The following C9 variants were observed in gnomAD, a reference collection of about 807,000 sequenced individuals.
The protein encoded by C9 is complement C9.
In C9, 63 loss-of-function variants were observed where a neutral mutation model predicts 65.4. The observed-to-expected ratio is 0.96, with a 90% CI of 0.79 to 1.19. The LOEUF (loss-of-function observed/expected upper bound fraction) is 1.19. Among genes scored for constraint, C9 ranks in the 50% most tolerant of loss-of-function variants. C9 has a pLI of 0.00. For synonymous variants in C9, 229 were observed against 227.9 expected (o/e 1.00, Z -0.04); for missense variants, 744 against 670.1 (o/e 1.11, Z -1.22).
At chr5:39,292,150 GAATA>G (rs1165985474) in intron 9 of C9, among the ~76,000 whole-genome samples, 6 of 151,686 alleles carry the variant, frequency 4.0e-5, no homozygotes, top group Admixed American at 1.3e-4. Context: ...ACTTCAAGCA[GAATA>G]AATATACATC....
chr5:39,291,284 A>G (rs895872523), intron 9 of C9, among the ~76,000 whole-genome samples: 4 of 151,996 alleles, frequency 2.6e-5, no homozygotes, highest in Admixed American at 1.3e-4. Flanking sequence ...AAATATTAGA[A>G]TACAAATTAG....
chr5:39,310,452 A>C (rs190680778), intron 7 of C9, among the ~76,000 whole-genome samples: 1 of 152,274 alleles, frequency 6.6e-6, no homozygotes, highest in Admixed American at 6.5e-5. Context: ...TTCTTAAAAG[A>C]CTTAGACGAA....
intron 1 of C9, among the ~76,000 whole-genome samples, chr5:39,359,694 T>C (rs1010299921): frequency 2.6e-5 from 4 of 152,224 alleles, no homozygotes; most frequent in African/African-American, 9.6e-5. Flanking sequence ...GAAGCTGGTA[T>C]GCAAGTGGAC....
At chr5:39,349,183 G>GA (rs5867457) in intron 1 of C9, among the ~76,000 whole-genome samples, 41,637 of 143,786 alleles carry the variant, frequency 0.29, 6,507 homozygotes, top group Non-Finnish European at 0.36. Context: ...AACAAAAAAG[G>GA]AAAAAAAAAA....
intron 9 of C9, among the ~76,000 whole-genome samples, chr5:39,294,209 G>A (rs913650770): frequency 1.3e-5 from 2 of 151,428 alleles, no homozygotes; most frequent in Admixed American, 6.6e-5. Context: ...AATAATGATC[G>A]GAGCAGAAAT....
At chr5:39,312,924 T>A (rs1443894610) in intron 6 of C9, among the ~76,000 whole-genome samples, 1 of 152,144 alleles carries the variant, frequency 6.6e-6, no homozygotes, top group Non-Finnish European at 1.5e-5. Context: ...GCCTGTATGT[T>A]ATAGGTCATA....
intron 1 of C9, among the ~76,000 whole-genome samples, chr5:39,347,180 G>C (rs1754213849): frequency 6.6e-6 from 1 of 152,132 alleles, no homozygotes; most frequent in African/African-American, 2.4e-5. Context: ...AGGGCAATAA[G>C]GCAGGAGAAA....
In C9 at chr5:39,284,973, A is replaced by G. The variant is rs1300087744; in HGVS notation, c.*226T>C. 3 of 499,498 alleles carry G rather than the reference A, an allele frequency of 6.0e-6. No homozygotes were observed. Among genetic ancestry groups the G allele is most frequent in the African/African-American group, 5.8e-5 (3 of 51,476 alleles). 30.9% of individuals were successfully genotyped at this position (499,498 alleles called of 1,614,324 possible). A position where few individuals can be genotyped will look rare whatever the true frequency, so the allele number is the denominator to read the frequency against. ...GGATAAAGCAGTTCTGGCGTATTTC[A>G]CTGTTGACTTCTCATTAGGGAACAA... On this transcript the variant is annotated 3_prime_UTR_variant, in exon 11 of 11. Coordinates refer to ENST00000263408, the MANE Select transcript of C9 (RefSeq NM_001737.5).
intron 6 of C9, among the ~76,000 whole-genome samples, chr5:39,312,068 G>T (rs908356737): frequency 1.3e-5 from 2 of 151,972 alleles, no homozygotes; most frequent in African/African-American, 4.8e-5. Flanking sequence ...TTTTTCTTGG[G>T]GTAAGAAGCC....
At chr5:39,310,448 A>G (rs1246326259) in intron 7 of C9, among the ~76,000 whole-genome samples, 4 of 152,082 alleles carry the variant, frequency 2.6e-5, no homozygotes, top group Admixed American at 2.6e-4. Flanking sequence ...TTTTTTCTTA[A>G]AAGACTTAGA....
chr5:39,316,170 G>C (rs1442270624), intron 5 of C9, 141 bp from the exon 6 acceptor site: 1 of 654,000 alleles, frequency 1.5e-6, no homozygotes, highest in Non-Finnish European at 2.6e-6. Flanking sequence ...GATGGAGTCA[G>C]ATTCCTGGGG....
rs907117185 is a variant in C9, at chr5:39,341,289, T to A, written c.333A>T (p.Arg111Ser). ...CGNDFQCSTG[R>S]CIKMRLRCNG... The stretch of plus-strand genomic sequence containing the variant: ...TACACCGAAGTCGCATCTTTATGCA[T>A]CTGCCTGCAATCAAAATCAGGAGAG... Residue 111 changes from arginine (R) to serine (S), a missense_variant, in exon 4 of 11, where the codon AGA becomes AGT. By Grantham distance (110) the Arg-to-Ser change is moderately radical (BLOSUM62 -1). Transcript: ENST00000263408. The A allele has an allele frequency of 1.2e-6, 2 of 1,613,988 alleles. No individual in the cohort carries two copies. Among genetic ancestry groups the A allele is most frequent in the African/African-American group, 2.7e-5 (2 of 74,928 alleles).
chr5:39,322,514 A>G (rs1753680923), intron 5 of C9, among the ~76,000 whole-genome samples: 2 of 152,130 alleles, frequency 1.3e-5, no homozygotes, highest in Non-Finnish European at 2.9e-5. Context: ...TAAAATAGGT[A>G]GTAGAAAAAC....
intron 4 of C9, among the ~76,000 whole-genome samples, chr5:39,337,044 C>T (rs1341714646): frequency 6.6e-6 from 1 of 151,584 alleles, no homozygotes; most frequent in Non-Finnish European, 1.5e-5. Flanking sequence ...ATACTCTGCT[C>T]TTAAAAAGTA....
intron 4 of C9, among the ~76,000 whole-genome samples, chr5:39,333,922 T>C (rs1221673541): frequency 6.6e-6 from 1 of 152,178 alleles, no homozygotes; most frequent in Non-Finnish European, 1.5e-5. Context: ...TGCTCAATGG[T>C]GCCCAGGCTG....
In C9 at chr5:39,340,940, C is replaced by T. The variant is rs548851728; in HGVS notation, c.476+206G>A. On this transcript the variant is annotated intron_variant, in intron 4 of 10. Coordinates refer to ENST00000263408, the MANE Select transcript of C9 (RefSeq NM_001737.5). ...ATCTAGTCCACTCTACAGACCCCTA[C>T]TGAGGGCAGGCAATTTGTCCAAATT... The T allele has an allele frequency of 6.5e-4, 411 of 636,568 alleles. 1 individual carries two copies. The highest frequency in any genetic ancestry group is 1.7e-4 in the Non-Finnish European group (61 of 354,016). 39.4% of individuals were successfully genotyped at this position (636,568 alleles called of 1,614,324 possible).
chr5:39,351,902 T>C (rs186443821), intron 1 of C9, among the ~76,000 whole-genome samples: 11 of 152,322 alleles, frequency 7.2e-5, no homozygotes, highest in African/African-American at 2.2e-4. Flanking sequence ...CAGGTATCTT[T>C]AAAGAATGTC....
At chr5:39,346,925 T>G (rs1754209095) in intron 1 of C9, among the ~76,000 whole-genome samples, 1 of 152,138 alleles carries the variant, frequency 6.6e-6, no homozygotes, top group South Asian at 2.1e-4. Context: ...AAAAACCACA[T>G]GATTATCTCA....
intron 5 of C9, among the ~76,000 whole-genome samples, chr5:39,320,305 TAGAG>T (rs1163397333): frequency 2.0e-5 from 3 of 151,918 alleles, no homozygotes; most frequent in African/African-American, 7.3e-5. Context: ...AGAAGTTCAA[TAGAG>T]AGAAAGAAAG....
Sources: allele counts gnomAD v4.1 joint callset (sites outside exome capture counted in the v4.1 genomes callset), GRCh38; gene constraint gnomAD v4.1.1; transcripts MANE v1.5; gene names NCBI Gene and HGNC (gene_info 2026-07-23, HGNC 2026-07-21).